Variants in ARHGEF9 observed in about 807,000 individuals in gnomAD.
ARHGEF9 encodes Cdc42 guanine nucleotide exchange factor 9, also known as rho guanine nucleotide exchange factor 9.
A neutral mutation model predicts 41.3 loss-of-function variants in ARHGEF9; 2 were observed. The observed-to-expected ratio is 0.05, with a 90% CI of 0.02 to 0.15. The LOEUF (loss-of-function observed/expected upper bound fraction) is 0.15. ARHGEF9 is among the 10% of genes least tolerant of loss of function. ARHGEF9 has a pLI of 1.00. For synonymous variants in ARHGEF9, 160 were observed against 154.4 expected (o/e 1.04, Z -0.27); for missense variants, 225 against 424.7 (o/e 0.53, Z 4.13).
At chrX:63,648,343 C>A (rs1167122755) in intron 8 of ARHGEF9, among the ~76,000 whole-genome samples, 1 of 110,931 alleles carries the variant, frequency 9.0e-6, no homozygotes, top group Non-Finnish European at 1.9e-5. Flanking sequence ...TCATATCCAG[C>A]CAAACTAAGC....
chrX:63,645,973 T>C (rs782453796), intron 8 of ARHGEF9, among the ~76,000 whole-genome samples: 45 of 112,594 alleles, frequency 4.0e-4, no homozygotes, highest in African/African-American at 1.4e-3. Context: ...ATTTCTCTGA[T>C]GGCCAGTGAT....
At chrX:63,761,253 G>T (rs1449500033) in intron 1 of ARHGEF9, among the ~76,000 whole-genome samples, 2 of 111,738 alleles carry the variant, frequency 1.8e-5, no homozygotes, top group Admixed American at 1.9e-4. Flanking sequence ...CTTGTTTGAG[G>T]TCACACAGCT....
intron 1 of ARHGEF9, chrX:63,767,292 T>A: frequency 3.2e-6 from 2 of 625,951 alleles, no homozygotes; most frequent in African/African-American, 2.2e-5. Flanking sequence ...AAGTTCCAGA[T>A]CTTGTAGAAA....
At chrX:63,679,872 T>G (rs1225740402) in intron 4 of ARHGEF9, among the ~76,000 whole-genome samples, 1 of 111,599 alleles carries the variant, frequency 9.0e-6, no homozygotes, top group East Asian at 2.8e-4. Flanking sequence ...AGACAGAATA[T>G]AGACTGAAAA....
chrX:63,780,350 G>C (rs1265992459), intron 1 of ARHGEF9, among the ~76,000 whole-genome samples: 2 of 111,278 alleles, frequency 1.8e-5, no homozygotes, highest in Admixed American at 9.6e-5. Context: ...CATCTGGAGA[G>C]ATGGCCACCG....
At chrX:63,741,188 C>T (rs1457749550) in intron 1 of ARHGEF9, among the ~76,000 whole-genome samples, 1 of 112,841 alleles carries the variant, frequency 8.9e-6, no homozygotes, top group Non-Finnish European at 1.9e-5. Flanking sequence ...AAGGAGCAGG[C>T]TCAAGCTTTC....
intron 1 of ARHGEF9, among the ~76,000 whole-genome samples, chrX:63,772,482 A>G (rs1181820486): frequency 8.9e-6 from 1 of 112,054 alleles, no homozygotes; most frequent in Non-Finnish European, 1.9e-5. Flanking sequence ...TAGTACTGCC[A>G]TGCACACTGT....
chrX:63,673,946 A>T (rs782354917), intron 6 of ARHGEF9, 92 bp downstream of exon 6: 115 of 1,088,918 alleles, frequency 1.1e-4, no homozygotes, highest in Admixed American at 2.3e-5. Flanking sequence ...TGCTCTTCAA[A>T]TGTAATTTCT....
chrX:63,718,740 G>C (rs1556411723), intron 2 of ARHGEF9, among the ~76,000 whole-genome samples: 1 of 112,225 alleles, frequency 8.9e-6, no homozygotes, highest in East Asian at 2.8e-4. Context: ...GCTAGTAGCT[G>C]GAAATAACAG....
At chrX:63,768,823 C>T (rs2056155912) in intron 1 of ARHGEF9, among the ~76,000 whole-genome samples, 1 of 111,976 alleles carries the variant, frequency 8.9e-6, no homozygotes, top group Non-Finnish European at 1.9e-5. Flanking sequence ...ATGTAACTTG[C>T]TCCTCCTTGC....
intron 2 of ARHGEF9, among the ~76,000 whole-genome samples, chrX:63,712,267 G>A (rs782368402): frequency 3.5e-4 from 39 of 111,760 alleles, no homozygotes; most frequent in Admixed American, 9.5e-4. Flanking sequence ...AATTCCACTC[G>A]TAGGTGCGTA....
At chrX:63,659,118 T>C (rs2049056513) in intron 7 of ARHGEF9, among the ~76,000 whole-genome samples, 1 of 112,501 alleles carries the variant, frequency 8.9e-6, no homozygotes, top group Non-Finnish European at 1.9e-5. Context: ...GCCTGCCCAT[T>C]AAAGGCTGTG....
At chrX:63,723,430 C>G (rs1422272069) in intron 2 of ARHGEF9, among the ~76,000 whole-genome samples, 1 of 111,698 alleles carries the variant, frequency 9.0e-6, no homozygotes, top group Non-Finnish European at 1.9e-5. Context: ...GGAGCCCTAG[C>G]TAGCCCTTCT....
At chrX:63,745,461 AGCTT>A (rs2055210277) in intron 1 of ARHGEF9, among the ~76,000 whole-genome samples, 1 of 111,190 alleles carries the variant, frequency 9.0e-6, no homozygotes, top group South Asian at 3.9e-4. Flanking sequence ...GCCTCTCGTC[AGCTT>A]GCTTTCTCCA....
At chrX:63,668,949 G>A (rs1261331975) in intron 6 of ARHGEF9, among the ~76,000 whole-genome samples, 1 of 112,215 alleles carries the variant, frequency 8.9e-6, no homozygotes, top group East Asian at 2.8e-4. Flanking sequence ...ACAACCAGAT[G>A]CCATGGAAGA....
Position 63,664,235 on chromosome X carries a change from T to A in ARHGEF9, c.1077+1651A>T, listed in dbSNP as rs782618367. On this transcript the variant is annotated intron_variant, in intron 7 of 9. Coordinates refer to ENST00000671741, the MANE Select transcript of ARHGEF9 (RefSeq NM_001353921.2). ...CTTCCACTGCCCGTTGAGTTCTAAGTTAAACCCATTGTTTATCTTGTTTCT... is the reference window on the plus strand; with the variant it reads ...CTTCCACTGCCCGTTGAGTTCTAAGATAAACCCATTGTTTATCTTGTTTCT... Among the ~76,000 whole-genome samples the A allele has an allele frequency of 2.7e-5, 3 of 112,511 alleles. No individual in the cohort carries two copies. In the East Asian group the frequency reaches 8.4e-4, roughly 32 times the overall value.
intron 4 of ARHGEF9, among the ~76,000 whole-genome samples, chrX:63,687,324 G>A (rs1419163182): frequency 9.0e-6 from 1 of 111,518 alleles, no homozygotes; most frequent in African/African-American, 3.3e-5. Flanking sequence ...TGTTGAAAAG[G>A]AGGCAGTGAT....
chrX:63,776,250 C>T (rs1338554990), intron 1 of ARHGEF9, among the ~76,000 whole-genome samples: 1 of 111,220 alleles, frequency 9.0e-6, no homozygotes, highest in South Asian at 3.8e-4. Context: ...CATGGTAACC[C>T]TAGGGTTCAG....
At chrX:63,712,550 A>G (rs2053011177) in intron 2 of ARHGEF9, among the ~76,000 whole-genome samples, 1 of 111,692 alleles carries the variant, frequency 9.0e-6, no homozygotes, top group Non-Finnish European at 1.9e-5. Context: ...ACATATATAT[A>G]TATCAAAACA....
Sources: gnomAD v4.1 joint callset for allele counts (sites outside exome capture counted in the v4.1 genomes callset) on GRCh38, gnomAD v4.1.1 for gene constraint, MANE v1.5 for transcripts, NCBI Gene and HGNC (gene_info 2026-07-23, HGNC 2026-07-21) for gene names.